PLXNA2: variants seen among roughly 807,000 people sequenced by gnomAD.
PLXNA2 encodes the protein plexin-A2.
PLXNA2 carries 91 observed loss-of-function variants against 193.5 expected under a neutral mutation model. The observed-to-expected ratio is 0.47, with a 90% CI of 0.40 to 0.56. PLXNA2 has a LOEUF of 0.56. PLXNA2 is among the 20% of genes least tolerant of loss of function. PLXNA2 has a pLI of 0.00. For synonymous variants in PLXNA2, 997 were observed against 1,027.3 expected (o/e 0.97, Z 0.56); for missense variants, 1,995 against 2,503.2 (o/e 0.80, Z 4.33).
intron 5 of PLXNA2, among the ~76,000 whole-genome samples, chr1:208,101,460 C>T (rs752946223): frequency 1.2e-4 from 19 of 152,102 alleles, no homozygotes; most frequent in Non-Finnish European, 2.6e-4. Context: ...TTGTTCTCCG[C>T]GAGCTCTTGG....
chr1:208,182,015 C>T (rs1284371351), intron 3 of PLXNA2, among the ~76,000 whole-genome samples: 3 of 150,792 alleles, frequency 2.0e-5, no homozygotes, highest in Non-Finnish European at 4.4e-5. Context: ...CTTAGTGTCT[C>T]TCCTGTCTCT....
chr1:208,060,528 G>A (rs1665582943), intron 13 of PLXNA2, among the ~76,000 whole-genome samples, 158 bp downstream of exon 13: 1 of 152,182 alleles, frequency 6.6e-6, no homozygotes, highest in Non-Finnish European at 1.5e-5. Flanking sequence ...GTGGAGGTGA[G>A]GGAGGAGGGG....
rs763276734 is a variant in PLXNA2, at chr1:208,051,430, G to A, written c.2994-7C>T. ...GATCTCACTCATTGACCTCCTGACA[G>A]GGAGACAGCAGGAGGGTTGAGAAGA... On this transcript the variant is annotated splice_region_variant and splice_polypyrimidine_tract_variant and intron_variant, in intron 15 of 31. Coordinates refer to ENST00000367033, the MANE Select transcript of PLXNA2 (RefSeq NM_025179.4). 4 of 1,607,202 alleles carry A rather than the reference G, an allele frequency of 2.5e-6. No individual in the cohort carries two copies. Among genetic ancestry groups the A allele is most frequent in the Non-Finnish European group, 3.4e-6 (4 of 1,177,826 alleles).
intron 4 of PLXNA2, among the ~76,000 whole-genome samples, chr1:208,109,724 T>C (rs577680792): frequency 2.6e-5 from 4 of 152,350 alleles, no homozygotes; most frequent in Non-Finnish European, 5.9e-5. Flanking sequence ...TGGGACTGAC[T>C]GTTCGCTCTT....
intron 3 of PLXNA2, among the ~76,000 whole-genome samples, chr1:208,173,454 C>T (rs889376584): frequency 6.6e-6 from 1 of 152,172 alleles, no homozygotes; most frequent in South Asian, 2.1e-4. Context: ...CTGTGCATCC[C>T]ATGTTATTAT....
Position 208,054,432 on chromosome 1 carries a change from A to G in PLXNA2, c.2845T>C (p.Tyr949His). 6.2e-7 allele frequency: 1 copy of G among 1,612,868 alleles called. No homozygotes were observed. The highest frequency in any genetic ancestry group is 8.5e-7 in the Non-Finnish European group (1 of 1,178,810). Residue 949 changes from tyrosine to histidine, a missense_variant, in exon 14 of 32, where the codon TAC becomes CAC. Physicochemically the swap from Tyr to His is moderately conservative, Grantham distance 83 (BLOSUM62 2). Coordinates refer to ENST00000367033, the MANE Select transcript of PLXNA2 (RefSeq NM_025179.4). Reference sequence around the variant, plus strand: ...GACCCAGTACTCACCACGAAGGTGTACTGCTGATGGGACTTCGTCATGAAC... The same window carrying G: ...GACCCAGTACTCACCACGAAGGTGTGCTGCTGATGGGACTTCGTCATGAAC... ...PEFMTKSHQQ[Y>H]TFVNPSVLSL... is the part of the protein sequence containing the mutation.
At chr1:208,209,306 C>T (rs928013606) in intron 3 of PLXNA2, among the ~76,000 whole-genome samples, 3 of 152,154 alleles carry the variant, frequency 2.0e-5, no homozygotes, top group Non-Finnish European at 4.4e-5. Flanking sequence ...CCTCCTTCCA[C>T]ATTTCCAAAC....
At position 208,043,160 on chromosome 1, in the gene PLXNA2, G is replaced by C; in HGVS notation, c.3918C>G (p.Asp1306Glu). 1 of 1,614,146 alleles carries C rather than the reference G, an allele frequency of 6.2e-7. No individual in the cohort carries two copies. Among genetic ancestry groups the C allele is most frequent in the Non-Finnish European group, 8.5e-7 (1 of 1,179,992 alleles). The change falls in exon 21 of 32, where the codon GAC (aspartate) becomes GAG (glutamate). Residue 1306 changes from aspartate to glutamate, a missense_variant. By Grantham distance (45) the Asp-to-Glu change is conservative. Transcript: ENST00000367033. ...GGTAAGGGATTCCTGAGCGGTCCAGGTCACTGGTCAACTCATTGATATCCG... is the reference window on the plus strand; with the variant it reads ...GGTAAGGGATTCCTGAGCGGTCCAGCTCACTGGTCAACTCATTGATATCCG... ...LQTDINELTS[D>E]LDRSGIPYLD...
chr1:208,098,080 C>T (rs935080777), intron 6 of PLXNA2, among the ~76,000 whole-genome samples: 2 of 152,086 alleles, frequency 1.3e-5, no homozygotes, highest in African/African-American at 2.4e-5. Flanking sequence ...CAGTGGGCAT[C>T]ACCTAACCTT....
At chr1:208,056,458 G>A (rs1173668362) in intron 13 of PLXNA2, among the ~76,000 whole-genome samples, 1 of 152,226 alleles carries the variant, frequency 6.6e-6, no homozygotes, top group African/African-American at 2.4e-5. Flanking sequence ...CGGGCAGCAT[G>A]GAAATGTTCT....
At chr1:208,144,563 G>C (rs1357191330) in intron 3 of PLXNA2, among the ~76,000 whole-genome samples, 1 of 152,154 alleles carries the variant, frequency 6.6e-6, no homozygotes, top group Non-Finnish European at 1.5e-5. Context: ...GATGAAAATG[G>C]TAGGTCAGGG....
intron 4 of PLXNA2, among the ~76,000 whole-genome samples, chr1:208,132,671 T>C (rs898105894): frequency 2.0e-4 from 31 of 152,172 alleles, no homozygotes; most frequent in Non-Finnish European, 3.7e-4. Flanking sequence ...AAGCTTTTTT[T>C]AGGTGTGGCT....
intron 5 of PLXNA2, among the ~76,000 whole-genome samples, chr1:208,100,409 G>A (rs895391881): frequency 1.3e-5 from 2 of 152,126 alleles, no homozygotes; most frequent in Non-Finnish European, 2.9e-5. Flanking sequence ...CAGGGTTGGT[G>A]TAAGAATTAA....
intron 10 of PLXNA2, among the ~76,000 whole-genome samples, chr1:208,084,037 G>A (rs1053997222): frequency 1.3e-5 from 2 of 152,150 alleles, no homozygotes; most frequent in African/African-American, 4.8e-5. Context: ...TTGCACGCCT[G>A]TATCAAAACA....
At position 208,082,328 on chromosome 1, in the gene PLXNA2, G is replaced by A. The variant is rs1038609554; in HGVS notation, c.2395+84C>T. The A allele has an allele frequency of 7.9e-6, 8 of 1,014,700 alleles. No homozygotes were observed. The highest frequency in any genetic ancestry group is 1.2e-5 in the Non-Finnish European group (8 of 654,498). 62.9% of individuals were successfully genotyped at this position (1,014,700 alleles called of 1,614,324 possible). A position where few individuals can be genotyped will look rare whatever the true frequency, so the allele number is the denominator to read the frequency against. On this transcript the variant is annotated intron_variant, in intron 11 of 31. Transcript: ENST00000367033. This position sits in a 1 kb window ranked among gnomAD's most constrained non-coding sequence, Gnocchi z 4.2. Reference sequence around the variant, plus strand: ...GGGAGTGTATTATTCATGGCACAGCGGCTGGCTGGCTCTGATCCCTCTAGC... The same window carrying A: ...GGGAGTGTATTATTCATGGCACAGCAGCTGGCTGGCTCTGATCCCTCTAGC...
At chr1:208,107,848 C>T (rs931914272) in intron 4 of PLXNA2, among the ~76,000 whole-genome samples, 4 of 152,070 alleles carry the variant, frequency 2.6e-5, no homozygotes, top group Non-Finnish European at 5.9e-5. Flanking sequence ...CCTTCTCCTG[C>T]CCCCTATGGC....
chr1:208,203,532 C>T (rs994297721), intron 3 of PLXNA2, among the ~76,000 whole-genome samples: 7 of 152,180 alleles, frequency 4.6e-5, no homozygotes, highest in Admixed American at 2.0e-4. Context: ...GAATGAGTGG[C>T]TATTGTTTGG....
chr1:208,105,420 C>T (rs568764429), intron 4 of PLXNA2, among the ~76,000 whole-genome samples: 4 of 152,330 alleles, frequency 2.6e-5, no homozygotes, highest in Admixed American at 2.0e-4. Context: ...GATTTCTGCC[C>T]TCAGAGGAAG....
intron 17 of PLXNA2, among the ~76,000 whole-genome samples, chr1:208,049,127 C>T (rs1294470046): frequency 6.6e-6 from 1 of 152,176 alleles, no homozygotes; most frequent in Non-Finnish European, 1.5e-5. Context: ...ACTCTTGCCA[C>T]GGTTTCTCCC....
Sources: gnomAD v4.1 joint callset for allele counts (sites outside exome capture counted in the v4.1 genomes callset) on GRCh38, gnomAD v4.1.1 for gene constraint, Gnocchi (gnomAD v3.1) non-coding constraint, MANE v1.5 for transcripts, NCBI Gene and HGNC (gene_info 2026-07-23, HGNC 2026-07-21) for gene names.